The following RNPEP variants were observed in gnomAD, a reference collection of about 807,000 sequenced individuals.
RNPEP encodes the protein arginyl aminopeptidase.
In RNPEP, 57 loss-of-function variants were observed where a neutral mutation model predicts 70.1. The ratio of observed to expected loss-of-function variants is 0.81; its 90% CI spans 0.66 to 1.01. The LOEUF (loss-of-function observed/expected upper bound fraction) is 1.01. RNPEP is among the 50% of genes least tolerant of loss of function. The pLI is 0.00. For missense variants in RNPEP, 787 were observed against 852.4 expected (o/e 0.92, Z 0.96); for synonymous variants, 335 against 357.4 (o/e 0.94, Z 0.71).
At chr1:201,996,964 C>T (rs1229437165) in intron 4 of RNPEP, among the ~76,000 whole-genome samples, 1 of 152,128 alleles carries the variant, frequency 6.6e-6, no homozygotes, top group Non-Finnish European at 1.5e-5. Context: ...TAAAAGGCTC[C>T]AGGTTGGTCT....
rs1423220941 is a variant in RNPEP at position 201,997,395 on chromosome 1, T to C, written c.931T>C (p.Cys311Arg). Residue 311 changes from cysteine to arginine, a missense_variant, in exon 5 of 11, where the codon TGC (cysteine) becomes CGC (arginine). Cys to Arg is a radical substitution (Grantham distance 180). Transcript: ENST00000295640. The stretch of plus-strand genomic sequence containing the variant: ...CCCTTGTCTGACCTTTGTCACCCCC[T>C]GCCTGCTAGCTGGGGACCGCTCCTT... ...ENPCLTFVTP[C>R]LLAGDRSLAD... 1 of 1,614,154 alleles carries C rather than the reference T, an allele frequency of 6.2e-7. No individual in the cohort carries two copies. Among genetic ancestry groups the C allele is most frequent in the Non-Finnish European group, 8.5e-7 (1 of 1,180,010 alleles).
intron 5 of RNPEP, among the ~76,000 whole-genome samples, chr1:201,999,690 C>G (rs1683708963): frequency 6.6e-6 from 1 of 152,144 alleles, no homozygotes; most frequent in Admixed American, 6.5e-5. Context: ...CCTTTGTAGC[C>G]CACAGCAACA....
intron 8 of RNPEP, 168 bp from the exon 9 acceptor site, chr1:202,003,069 A>T (rs1419867178): frequency 5.0e-6 from 3 of 605,068 alleles, no homozygotes; most frequent in East Asian, 2.8e-5. Context: ...TGTCGTTATA[A>T]CTAGGACCCT....
chr1:202,005,801 A>T lies in RNPEP; in HGVS notation c.*85A>T, dbSNP rs765038251. ...GTTCCCAAATTCCTGTTCCCTGATC[A>T]ACTTCCTGGAGTTTATATCCCCTCA... On this transcript the variant is annotated 3_prime_UTR_variant, in exon 11 of 11. Coordinates refer to ENST00000295640, the MANE Select transcript of RNPEP (RefSeq NM_020216.4). 2.0e-6 allele frequency: 3 copies of T among 1,480,120 alleles called. No homozygotes were observed. The highest frequency in any genetic ancestry group is 2.8e-6 in the Non-Finnish European group (3 of 1,068,340). The allele number at this position is 1,480,120 out of a possible 1,614,324, so 91.7% of individuals were successfully genotyped here.
chr1:202,000,332 A>G (rs1226534250), intron 6 of RNPEP: 2 of 231,800 alleles, frequency 8.6e-6, no homozygotes, highest in Non-Finnish European at 1.7e-5. Context: ...TGGATTCTGT[A>G]GAATAAAAGC....
At chr1:201,997,118 G>A (rs1288368806) in intron 4 of RNPEP, among the ~76,000 whole-genome samples, 1 of 152,084 alleles carries the variant, frequency 6.6e-6, no homozygotes, top group Non-Finnish European at 1.5e-5. Flanking sequence ...CTCGATGAGG[G>A]AAGTCCCAGC....
chr1:201,993,520 G>A (rs532661777), intron 3 of RNPEP, among the ~76,000 whole-genome samples: 8 of 151,686 alleles, frequency 5.3e-5, no homozygotes, highest in African/African-American at 1.9e-4. Flanking sequence ...TCACTTGAAC[G>A]TGGGAGGTGG....
intron 1 of RNPEP, among the ~76,000 whole-genome samples, chr1:201,984,856 T>TGAGAAGGGGTCAAAAAGCTCCC (rs1558258141): frequency 1.1e-5 from 1 of 92,688 alleles, no homozygotes; most frequent in African/African-American, 3.6e-5. Context: ...TTTTTTTTTT[T>TGAGAAGGGGTCAAAAAGCTCCC]TGAGAAGGGA....
At chr1:201,983,416 C>T in intron 1 of RNPEP, 1 of 1,478,642 alleles carries the variant, frequency 6.8e-7, no homozygotes, top group Non-Finnish European at 9.1e-7. Context: ...CGCCGCATTC[C>T]CGCTCATCGC....
intron 5 of RNPEP, among the ~76,000 whole-genome samples, chr1:201,999,553 TAATAA>T (rs746335118): frequency 1.3e-5 from 2 of 151,884 alleles, no homozygotes; most frequent in Non-Finnish European, 2.9e-5. Flanking sequence ...AAAAATAAAA[TAATAA>T]AATAAATGAA....
intron 5 of RNPEP, among the ~76,000 whole-genome samples, chr1:201,997,889 G>A (rs931357204): frequency 6.7e-6 from 1 of 149,870 alleles, no homozygotes; most frequent in Non-Finnish European, 1.5e-5. Context: ...TCAGCCTCCC[G>A]AGTAGCTGGG....
At position 201,996,193 on chromosome 1, in the gene RNPEP, G is replaced by T. The variant is rs142043234; in HGVS notation, c.784G>T (p.Glu262Ter). 19 of 1,614,080 alleles carry T rather than the reference G, an allele frequency of 1.2e-5. No individual in the cohort carries two copies. The highest frequency in any genetic ancestry group is 1.6e-5 in the Non-Finnish European group (19 of 1,180,036). Residue 262 changes from glutamate (E) to a stop codon, truncating the protein, a stop_gained, in exon 4 of 11, where the codon GAG becomes TAG. Transcript: ENST00000295640. LOFTEE classifies it high-confidence loss of function. ...CTGCCTGATTGATGCTGCCAAGGAG[G>T]AGTACAACGGGGTGATAGAAGAATT... The part of the protein sequence containing the change: ...EPCLIDAAKE[E>*]YNGVIEEFLA...
In RNPEP at chr1:201,982,731, C is replaced by G. The variant is rs1446638390; in HGVS notation, c.65C>G (p.Ala22Gly). 34 of 1,393,942 alleles carry G rather than the reference C, an allele frequency of 2.4e-5. No homozygotes were observed. Among genetic ancestry groups the G allele is most frequent in the Non-Finnish European group, 9.3e-7 (1 of 1,072,318 alleles). The allele number at this position is 1,393,942 out of a possible 1,614,324, so 86.3% of individuals were successfully genotyped here. Residue 22 changes from alanine to glycine, a missense_variant, in exon 1 of 11, where the codon GCT becomes GGT. Transcript: ENST00000295640. ...AARRPLHSAQ[A>G]VDVASASNFR... is the part of the protein sequence containing the mutation. The stretch of plus-strand genomic sequence containing the variant: ...CGGCGGCCGCTGCACTCCGCGCAGG[C>G]TGTGGACGTGGCCTCGGCCTCCAAC...
intron 3 of RNPEP, among the ~76,000 whole-genome samples, chr1:201,990,325 A>T (rs1372110389): frequency 6.6e-6 from 1 of 152,234 alleles, no homozygotes; most frequent in Non-Finnish European, 1.5e-5. Flanking sequence ...TCTGCAGCAG[A>T]TGCATGAGTC....
At chr1:202,000,382 CAAGTT>C (rs1175616875) in intron 6 of RNPEP, 1 of 175,836 alleles carries the variant, frequency 5.7e-6, no homozygotes, top group African/African-American at 2.4e-5. Context: ...GAGTGCCAGA[CAAGTT>C]AAGTGTCTTG....
chr1:201,982,693 C>A lies in RNPEP; in HGVS notation c.27C>A (p.Gly9=). ...TGGCGAGCGGCGAGCATTCCCCCGG[C>A]AGCGGCGCGGCCCGGCGGCCGCTGC... MASGEHSP[G]SGAARRPLHS... is the part of the protein sequence containing the mutation. The change falls in exon 1 of 11, where the codon GGC becomes GGA. Residue 9 remains glycine (G), a synonymous_variant. Coordinates refer to ENST00000295640, the MANE Select transcript of RNPEP (RefSeq NM_020216.4). 1.4e-6 allele frequency: 2 copies of A among 1,394,920 alleles called. No individual in the cohort carries two copies. The highest frequency in any genetic ancestry group is 3.1e-5 in the South Asian group (2 of 63,608). 86.4% of individuals were successfully genotyped at this position (1,394,920 alleles called of 1,614,324 possible).
chr1:201,982,699 C>A lies in RNPEP; in HGVS notation c.33C>A (p.Gly11=). 7.2e-7 allele frequency: 1 copy of A among 1,396,684 alleles called. No individual in the cohort carries two copies. Among genetic ancestry groups the A allele is most frequent in the Non-Finnish European group, 9.4e-7 (1 of 1,069,488 alleles). 86.5% of individuals were successfully genotyped at this position (1,396,684 alleles called of 1,614,324 possible). The change falls in exon 1 of 11, where the codon GGC becomes GGA. Residue 11 remains glycine, a synonymous_variant. Coordinates refer to ENST00000295640, the MANE Select transcript of RNPEP (RefSeq NM_020216.4). Reference sequence around the variant, plus strand: ...GCGGCGAGCATTCCCCCGGCAGCGGCGCGGCCCGGCGGCCGCTGCACTCCG... The same window carrying A: ...GCGGCGAGCATTCCCCCGGCAGCGGAGCGGCCCGGCGGCCGCTGCACTCCG... The part of the protein sequence containing the change: MASGEHSPGS[G]AARRPLHSAQ...
At chr1:201,985,307 T>C (rs12097154) in intron 1 of RNPEP, among the ~76,000 whole-genome samples, 44,948 of 151,930 alleles carry the variant, frequency 0.3, 6,782 homozygotes, top group South Asian at 0.43. Context: ...AGTGGCACCA[T>C]CTCAGCTCAC....
intron 6 of RNPEP, 100 bp downstream of exon 6, chr1:202,000,115 T>C: frequency 1.1e-6 from 1 of 872,054 alleles, no homozygotes; most frequent in African/African-American, 1.7e-5. Context: ...CTTAGAATAC[T>C]TTATTTGGAG....
Sources: allele counts gnomAD v4.1 joint callset (sites outside exome capture counted in the v4.1 genomes callset), GRCh38; gene constraint gnomAD v4.1.1; transcripts MANE v1.5; gene names NCBI Gene and HGNC (gene_info 2026-07-23, HGNC 2026-07-21).